The following KIAA1191 variants were observed in gnomAD, a reference collection of about 807,000 sequenced individuals.
The protein encoded by KIAA1191 is putative monooxygenase p33MONOX.
A neutral mutation model predicts 31.1 loss-of-function variants in KIAA1191; 22 were observed. The ratio of observed to expected loss-of-function variants is 0.71; its 90% CI spans 0.51 to 1.01. KIAA1191 has a LOEUF of 1.01. KIAA1191 is among the 50% of genes least tolerant of loss of function. The probability of loss-of-function intolerance (pLI) is 0.00; values close to 1 mark genes in which losing one functional copy is unlikely to be tolerated. For synonymous variants in KIAA1191, 130 were observed against 143.9 expected (o/e 0.90, Z 0.69); for missense variants, 319 against 388.0 (o/e 0.82, Z 1.49).
chr5:176,350,438 C>G (rs1766884572), intron 6 of KIAA1191, among the ~76,000 whole-genome samples, 175 bp downstream of exon 6: 1 of 152,140 alleles, frequency 6.6e-6, no homozygotes. Context: ...CCAGAAGTAG[C>G]AAAACAGACA....
chr5:176,356,366 G>A (rs947145741), intron 3 of KIAA1191, among the ~76,000 whole-genome samples: 1 of 152,134 alleles, frequency 6.6e-6, no homozygotes, highest in Non-Finnish European at 1.5e-5. Context: ...GGAAACTAAG[G>A]CCTAGGGGTA....
At position 176,355,423 on chromosome 5, in the gene KIAA1191, A is replaced by T. The variant is rs575421690; in HGVS notation, c.207+148T>A. ...ATAAATAAAATCTTAAAAAAAAAAA[A>T]AAGACAGCTATAACTGAGGCACAGA... On this transcript the variant is annotated intron_variant, in intron 4 of 8. Coordinates refer to ENST00000298569, the MANE Select transcript of KIAA1191 (RefSeq NM_020444.5). This position sits in a 1 kb window ranked among gnomAD's most constrained non-coding sequence, Gnocchi z 4.2. 10 of 667,736 alleles carry T rather than the reference A, an allele frequency of 1.5e-5. No homozygotes were observed. The East Asian group carries it at 2.6e-4, about 18-fold the overall frequency. The allele number at this position is 667,736 out of a possible 1,614,324, so 41.4% of individuals were successfully genotyped here. A position where few individuals can be genotyped will look rare whatever the true frequency, so the allele number is the denominator to read the frequency against.
At position 176,352,725 on chromosome 5, in the gene KIAA1191, T is replaced by G. The variant is rs368553189; in HGVS notation, c.231A>C (p.Leu77=). The change falls in exon 5 of 9, where the codon CTA becomes CTC. Residue 77 remains leucine, a synonymous_variant. Transcript: ENST00000298569. The part of the protein sequence containing the change: ...LAKVEEGEAS[L]PSPAMTLSSA... The stretch of plus-strand genomic sequence containing the variant: ...ATGACAGGGTCATGGCAGGGGAGGG[T>G]AGACTGGCCTCTCCTTCCTCCACCT... 3.7e-6 allele frequency: 6 copies of G among 1,613,580 alleles called. No homozygotes were observed. The highest frequency in any genetic ancestry group is 1.1e-5 in the South Asian group (1 of 91,056).
chr5:176,350,636 G>A lies in KIAA1191; in HGVS notation c.436C>T (p.Leu146Phe). 2 of 1,614,122 alleles carry A rather than the reference G, an allele frequency of 1.2e-6. No homozygotes were observed. Among genetic ancestry groups the A allele is most frequent in the Non-Finnish European group, 1.7e-6 (2 of 1,180,034 alleles). The change falls in exon 6 of 9, where the codon CTT becomes TTT. Residue 146 changes from leucine to phenylalanine, a missense_variant. Physicochemically the swap from Leu to Phe is conservative, Grantham distance 22. Transcript: ENST00000298569. ...ACGTGGAGTGCTTCGGCCACTCGAA[G>A]GTACTTGGTCTCCTCGGTGGTGAGG... Reference protein sequence around the residue: ...KGLTTEETKYLRVAEALHKLK... With the variant: ...KGLTTEETKYFRVAEALHKLK...
Position 176,347,694 on chromosome 5 carries a change from A to G in KIAA1191, c.824T>C (p.Met275Thr). 1 of 1,601,776 alleles carries G rather than the reference A, an allele frequency of 6.2e-7. No individual in the cohort carries two copies. The highest frequency in any genetic ancestry group is 1.7e-5 in the Admixed American group (1 of 57,232). The change falls in exon 9 of 9, where the codon ATG becomes ACG. Residue 275 changes from methionine to threonine, a missense_variant. By Grantham distance (81) the Met-to-Thr change is moderately conservative. Transcript: ENST00000298569. ...EDPAALKPPKMDIPVMEGKKQ... is the reference protein window; with the variant it reads ...EDPAALKPPKTDIPVMEGKKQ... Reference sequence around the variant, plus strand: ...CTTTCCTTCCATCACTGGGATGTCCATCTTGGGGGGCTTCAAGGCTGCTGG... The same window carrying G: ...CTTTCCTTCCATCACTGGGATGTCCGTCTTGGGGGGCTTCAAGGCTGCTGG...
intron 3 of KIAA1191, among the ~76,000 whole-genome samples, chr5:176,359,080 T>C (rs1767755197): frequency 1.2e-5 from 1 of 80,150 alleles, no homozygotes; most frequent in Non-Finnish European, 2.5e-5. Context: ...CAAGACTCTG[T>C]CTCAAAAAAA....
At position 176,357,888 on chromosome 5, in the gene KIAA1191, T is replaced by C. The variant is rs188965961; in HGVS notation, c.28+1593A>G. 3.7e-3 allele frequency among the ~76,000 whole-genome samples: 558 copies of C among 152,218 alleles called. 4 individuals are homozygous for C. The highest frequency in any genetic ancestry group is 0.013 in the African/African-American group (530 of 41,508). ...AAGTCAGCTAGTATTTACTGGAAAA[T>C]ATGTTCATATAAAGACAGACCAAAT... On this transcript the variant is annotated intron_variant, in intron 3 of 8. Coordinates refer to ENST00000298569, the MANE Select transcript of KIAA1191 (RefSeq NM_020444.5).
In KIAA1191 at chr5:176,352,624, G is replaced by C. The variant is rs968650158; in HGVS notation, c.332C>G (p.Thr111Arg). 3 of 1,613,404 alleles carry C rather than the reference G, an allele frequency of 1.9e-6. No individual in the cohort carries two copies. Among genetic ancestry groups the C allele is most frequent in the Non-Finnish European group, 2.5e-6 (3 of 1,179,640 alleles). The change falls in exon 5 of 9, where the codon ACA becomes AGA. Residue 111 changes from threonine (T) to arginine (R), a missense_variant and splice_region_variant. Physicochemically the swap from Thr to Arg is moderately conservative, Grantham distance 71. Transcript: ENST00000298569. The part of the protein sequence containing the change: ...ATHVIMNSLI[T>R]KQTQESIQHF... Reference sequence around the variant, plus strand: ...CTCTGAGGGTGAAGAGTGCTTACTTGTGATCAGAGAATTCATGATGACATG... The same window carrying C: ...CTCTGAGGGTGAAGAGTGCTTACTTCTGATCAGAGAATTCATGATGACATG...
chr5:176,351,210 A>G (rs562095905), intron 5 of KIAA1191, among the ~76,000 whole-genome samples: 117 of 151,296 alleles, frequency 7.7e-4, no homozygotes, highest in East Asian at 4.2e-3. Context: ...GTGTGGTGGC[A>G]GGCGCCTGTA....
Position 176,347,589 on chromosome 5 carries a change from G to T in KIAA1191, c.*11C>A. ...GAAACCACCTTTACCAGAATCCCTG[G>T]AAAGAGGGCTCTAGAAGCCAGTGGG... is the stretch of plus-strand genomic sequence containing the variant. On this transcript the variant is annotated 3_prime_UTR_variant, in exon 9 of 9. Transcript: ENST00000298569. 1 of 1,471,864 alleles carries T rather than the reference G, an allele frequency of 6.8e-7. No homozygotes were observed. The highest frequency in any genetic ancestry group is 9.0e-7 in the Non-Finnish European group (1 of 1,109,744). 91.2% of individuals were successfully genotyped at this position (1,471,864 alleles called of 1,614,324 possible).
chr5:176,360,854 G>T (rs1436693737), intron 1 of KIAA1191, among the ~76,000 whole-genome samples: 2 of 151,900 alleles, frequency 1.3e-5, no homozygotes, highest in East Asian at 3.9e-4. Context: ...ATAAAGAGAA[G>T]GAAACTAAAA....
Position 176,352,604 on chromosome 5 carries a change from A to C in KIAA1191, c.334+18T>G. 6 of 1,611,996 alleles carry C rather than the reference A, an allele frequency of 3.7e-6. No individual in the cohort carries two copies. Among genetic ancestry groups the C allele is most frequent in the Non-Finnish European group, 5.1e-6 (6 of 1,178,876 alleles). On this transcript the variant is annotated intron_variant, in intron 5 of 8. Transcript: ENST00000298569. ...CCTGCCCCTATGGCACTCTACTCTG[A>C]GGGTGAAGAGTGCTTACTTGTGATC...
chr5:176,348,052 G>C lies in KIAA1191; in HGVS notation c.578C>G (p.Thr193Ser). Residue 193 changes from threonine to serine, a missense_variant, in exon 8 of 9, where the codon ACT becomes AGT. Transcript: ENST00000298569. Reference sequence around the variant, plus strand: ...AGGTAAGGCTGTGGAAGAACCAGAAGTGAACCAGCCCCTGGGAAAGAAAGA... The same window carrying C: ...AGGTAAGGCTGTGGAAGAACCAGAACTGAACCAGCCCCTGGGAAAGAAAGA... ...SPKQRPRGWF[T>S]SGSSTALPGP... The C allele has an allele frequency of 1.9e-6, 3 of 1,613,866 alleles. No individual in the cohort carries two copies. The highest frequency in any genetic ancestry group is 2.5e-6 in the Non-Finnish European group (3 of 1,179,886).
Position 176,350,731 on chromosome 5 carries a change from G to C in KIAA1191, c.341C>G (p.Thr114Ser). Residue 114 changes from threonine to serine, a missense_variant, in exon 6 of 9, where the codon ACC becomes AGC. By Grantham distance (58) the Thr-to-Ser change is moderately conservative (BLOSUM62 1). Coordinates refer to ENST00000298569, the MANE Select transcript of KIAA1191 (RefSeq NM_020444.5). Reference sequence around the variant, plus strand: ...CTCAAAATGCTGAATGCTTTCCTGGGTCTGTTCTGGGAACAGAGGAGATGA... The same window carrying C: ...CTCAAAATGCTGAATGCTTTCCTGGCTCTGTTCTGGGAACAGAGGAGATGA... ...VIMNSLITKQ[T>S]QESIQHFERQ... The C allele has an allele frequency of 1.9e-6, 3 of 1,613,976 alleles. No homozygotes were observed. The highest frequency in any genetic ancestry group is 2.5e-6 in the Non-Finnish European group (3 of 1,179,988).
intron 6 of KIAA1191, among the ~76,000 whole-genome samples, chr5:176,349,700 C>A (rs1469249476): frequency 3.9e-5 from 6 of 152,164 alleles, no homozygotes; most frequent in Admixed American, 2.6e-4. Flanking sequence ...TATCCCCACC[C>A]ACAGGCCACC....
rs919349937 is a variant in KIAA1191, at chr5:176,355,974, CT to C, written c.29-226del. 489 of 521,136 alleles carry C rather than the reference CT, an allele frequency of 9.4e-4. No individual in the cohort carries two copies. The highest frequency in any genetic ancestry group is 2.1e-3 in the Middle Eastern group (4 of 1,922). The allele number at this position is 521,136 out of a possible 1,614,324, so 32.3% of individuals were successfully genotyped here. A position where few individuals can be genotyped will look rare whatever the true frequency, so the allele number is the denominator to read the frequency against. On this transcript the variant is annotated intron_variant, in intron 3 of 8. Coordinates refer to ENST00000298569, the MANE Select transcript of KIAA1191 (RefSeq NM_020444.5). The surrounding 1 kb of genome is among the most constrained non-coding windows in gnomAD (Gnocchi z 4.2). ...CTTAACCCACTCAGCCGTCCTAATC[CT>C]TTTTTTTTATTATTTGTTTAGAGAC...
chr5:176,351,820 T>A (rs1445502291), intron 5 of KIAA1191, among the ~76,000 whole-genome samples: 1 of 151,294 alleles, frequency 6.6e-6, no homozygotes, highest in Non-Finnish European at 1.5e-5. Context: ...TCTTGGTGAA[T>A]TCACTAGGAA....
Position 176,352,766 on chromosome 5 carries a change from A to G in KIAA1191, c.208-18T>C. 6.2e-7 allele frequency: 1 copy of G among 1,609,348 alleles called. No individual in the cohort carries two copies. The highest frequency in any genetic ancestry group is 8.5e-7 in the Non-Finnish European group (1 of 1,177,274). ...TCCTCCACCTGTTCAAGAGAGGTAC[A>G]GTACAGAAGCACTTAGGCAGGGCAG... On this transcript the variant is annotated intron_variant, in intron 4 of 8. Transcript: ENST00000298569.
chr5:176,359,088 A>T (rs1767758628), intron 3 of KIAA1191, among the ~76,000 whole-genome samples: 1 of 149,480 alleles, frequency 6.7e-6, no homozygotes, highest in Admixed American at 6.7e-5. Context: ...TGTCTCAAAA[A>T]AAAAAAAAAA....
Sources: gnomAD v4.1 joint callset for allele counts (sites outside exome capture counted in the v4.1 genomes callset) on GRCh38, gnomAD v4.1.1 for gene constraint, Gnocchi (gnomAD v3.1) non-coding constraint, MANE v1.5 for transcripts, NCBI Gene and HGNC (gene_info 2026-07-23, HGNC 2026-07-21) for gene names.